Variants in TMCO4 observed in about 807,000 individuals in gnomAD.
TMCO4 encodes the protein transmembrane and coiled-coil domains 4, also known as transmembrane and coiled-coil domain-containing protein 4.
Under a neutral mutation model 64.7 loss-of-function variants are expected in TMCO4, and 58 were observed. The observed-to-expected ratio is 0.90, with a 90% confidence interval of 0.73 to 1.12. The LOEUF (loss-of-function observed/expected upper bound fraction) is 1.12. Among genes scored for constraint, TMCO4 ranks in the 50% most tolerant of loss-of-function variants. The pLI, the probability that TMCO4 is intolerant of heterozygous loss-of-function variation, is 0.00. For missense variants in TMCO4, 780 were observed against 825.9 expected (o/e 0.94, Z 0.68); for synonymous variants, 325 against 346.1 (o/e 0.94, Z 0.68).
At position 19,716,897 on chromosome 1, in the gene TMCO4, G is replaced by A. The variant is rs551494109; in HGVS notation, c.1265-16012C>T. ...AGGAAGCTGAGCGGGTGAGAAAAGA[G>A]GAATCCAGGGCCGGGCGCGGTGGCT... On this transcript the variant is annotated intron_variant, in intron 13 of 15. Coordinates refer to ENST00000294543, the MANE Select transcript of TMCO4 (RefSeq NM_181719.7). Among the ~76,000 whole-genome samples, 117 of 152,272 alleles carry A rather than the reference G, an allele frequency of 7.7e-4. 1 individual carries two copies. The highest frequency in any genetic ancestry group is 2.7e-3 in the African/African-American group (112 of 41,560).
chr1:19,763,850 C>T (rs896546654), intron 6 of TMCO4, among the ~76,000 whole-genome samples: 6 of 151,368 alleles, frequency 4.0e-5, no homozygotes, highest in Admixed American at 2.6e-4. Context: ...GTTGAAGCCC[C>T]GTTGTGTGCC....
chr1:19,684,166 TC>T, intron 15 of TMCO4, among the ~76,000 whole-genome samples: 1 of 140,964 alleles, frequency 7.1e-6, no homozygotes, highest in African/African-American at 2.7e-5. Context: ...GGGTTCTCTC[TC>T]TCTCGTCCAG....
intron 14 of TMCO4, among the ~76,000 whole-genome samples, chr1:19,699,752 A>G (rs1339178864): frequency 6.6e-6 from 1 of 152,182 alleles, no homozygotes; most frequent in African/African-American, 2.4e-5. Context: ...GACAATGATG[A>G]ATGAAAAAAA....
At chr1:19,775,614 G>A (rs1037339070) in intron 4 of TMCO4, among the ~76,000 whole-genome samples, 3 of 152,212 alleles carry the variant, frequency 2.0e-5, no homozygotes, top group African/African-American at 4.8e-5. Flanking sequence ...GTGCTATCAC[G>A]GGAAAGGTAT....
intron 2 of TMCO4, among the ~76,000 whole-genome samples, chr1:19,787,848 C>G (rs1011426073): frequency 2.6e-5 from 4 of 152,188 alleles, no homozygotes; most frequent in African/African-American, 9.7e-5. Flanking sequence ...CTCCGCCTCC[C>G]AAGTTCAAGT....
intron 13 of TMCO4, among the ~76,000 whole-genome samples, chr1:19,723,656 C>T (rs1299446050): frequency 6.6e-6 from 1 of 152,272 alleles, no homozygotes; most frequent in Non-Finnish European, 1.5e-5. Flanking sequence ...CCAATCATCA[C>T]TGCGTTTCAG....
Position 19,794,505 on chromosome 1 carries a change from T to C in TMCO4, c.-101+3632A>G, listed in dbSNP as rs1347626104. Among the ~76,000 whole-genome samples, 4 of 152,246 alleles carry C rather than the reference T, an allele frequency of 2.6e-5. No individual in the cohort carries two copies. The East Asian group carries it at 5.8e-4, about 22-fold the overall frequency. On this transcript the variant is annotated intron_variant, in intron 2 of 15. Coordinates refer to ENST00000294543, the MANE Select transcript of TMCO4 (RefSeq NM_181719.7). The stretch of plus-strand genomic sequence containing the variant: ...AAGGAAGTGGCAGAAATGGCAAAGT[T>C]TGTAATAGTCCATTTGACCCACTGG...
In TMCO4 at chr1:19,746,437, C is replaced by T. The variant is rs1044209082; in HGVS notation, c.757+19G>A. 1 of 1,612,894 alleles carries T rather than the reference C, an allele frequency of 6.2e-7. No individual in the cohort carries two copies. Among genetic ancestry groups the T allele is most frequent in the African/African-American group, 1.3e-5 (1 of 75,042 alleles). ...TGGCTGAAAATTCCTCTGAACCCAT[C>T]ATTCCTTTTGAACCTTACCTGTCAG... On this transcript the variant is annotated intron_variant, in intron 9 of 15. Coordinates refer to ENST00000294543, the MANE Select transcript of TMCO4 (RefSeq NM_181719.7).
At chr1:19,746,713 A>G in intron 8 of TMCO4, 114 bp from the exon 9 acceptor site, 1 of 1,300,530 alleles carries the variant, frequency 7.7e-7, no homozygotes, top group Non-Finnish European at 1.1e-6. Context: ...TCACGAGGTC[A>G]GGAGATCGAG....
chr1:19,700,653 G>A, intron 14 of TMCO4, 115 bp downstream of exon 14: 1 of 1,013,574 alleles, frequency 9.9e-7, no homozygotes, highest in Admixed American at 2.2e-5. Flanking sequence ...CCGGTTCCTG[G>A]GATCTTCCAG....
chr1:19,736,321 A>C (rs745968203), intron 13 of TMCO4, among the ~76,000 whole-genome samples: 7 of 152,130 alleles, frequency 4.6e-5, no homozygotes, highest in Admixed American at 2.0e-4. Flanking sequence ...CACCCCCCTG[A>C]TTCAATTACC....
chr1:19,683,222 T>C lies in TMCO4; in HGVS notation c.1723A>G (p.Met575Val), dbSNP rs756843641. 6.2e-7 allele frequency: 1 copy of C among 1,614,188 alleles called. No individual in the cohort carries two copies. Among genetic ancestry groups the C allele is most frequent in the Admixed American group, 1.7e-5 (1 of 60,036 alleles). Residue 575 changes from methionine (M) to valine (V), a missense_variant, in exon 16 of 16, where the codon ATG becomes GTG. Transcript: ENST00000294543. ...PISGDTSKLA[M>V]STDPSQAQVP... ...TGGGCTTGGCTGGGGTCTGTGGACATGGCCAATTTGGAGGTGTCTCCGGAT... is the reference window on the plus strand; with the variant it reads ...TGGGCTTGGCTGGGGTCTGTGGACACGGCCAATTTGGAGGTGTCTCCGGAT...
chr1:19,760,003 G>A (rs2042426792), intron 6 of TMCO4, among the ~76,000 whole-genome samples: 1 of 152,004 alleles, frequency 6.6e-6, no homozygotes, highest in Non-Finnish European at 1.5e-5. Flanking sequence ...ACCTTTCTCT[G>A]CCTCCCACCT....
chr1:19,763,082 CT>C (rs375631458), intron 6 of TMCO4, among the ~76,000 whole-genome samples: 14,939 of 147,558 alleles, frequency 0.1, 866 homozygotes, highest in Non-Finnish European at 0.13. Flanking sequence ...TTCTTTTTTT[CT>C]TTTTTTTTTT....
intron 13 of TMCO4, among the ~76,000 whole-genome samples, chr1:19,720,754 T>C (rs2100736564): frequency 6.6e-6 from 1 of 152,270 alleles, no homozygotes; most frequent in South Asian, 2.1e-4. Flanking sequence ...GAACACCCTG[T>C]GCTGGGGTGG....
intron 6 of TMCO4, among the ~76,000 whole-genome samples, chr1:19,762,006 T>C (rs1202196197): frequency 6.6e-6 from 1 of 152,236 alleles, no homozygotes; most frequent in Non-Finnish European, 1.5e-5. Flanking sequence ...GTTGTCACTA[T>C]GATGCCGCAT....
chr1:19,705,701 T>C (rs570999485), intron 13 of TMCO4, among the ~76,000 whole-genome samples: 2 of 151,998 alleles, frequency 1.3e-5, no homozygotes, highest in African/African-American at 2.4e-5. Flanking sequence ...CATTACCACC[T>C]GACTGTTCCT....
intron 3 of TMCO4, among the ~76,000 whole-genome samples, chr1:19,782,720 A>G (rs2043548913): frequency 6.6e-6 from 1 of 152,326 alleles, no homozygotes; most frequent in East Asian, 1.9e-4. Context: ...GCATCCAAGA[A>G]GCAGAAAGAA....
rs148245887 is a variant in TMCO4, at chr1:19,740,557, T to C, written c.1042+220A>G. ...TTTGGGGTGGCTTGTCCCACAGCAA[T>C]AGCTAACGGACTGATCATGTGATTG... On this transcript the variant is annotated intron_variant, in intron 11 of 15. Coordinates refer to ENST00000294543, the MANE Select transcript of TMCO4 (RefSeq NM_181719.7). 1.2e-4 allele frequency among the ~76,000 whole-genome samples: 18 copies of C among 152,308 alleles called. No homozygotes were observed. In the East Asian group the frequency reaches 3.5e-3, roughly 29 times the overall value.
Sources: gnomAD v4.1 joint callset for allele counts (sites outside exome capture counted in the v4.1 genomes callset) on GRCh38, gnomAD v4.1.1 for gene constraint, MANE v1.5 for transcripts, NCBI Gene and HGNC (gene_info 2026-07-23, HGNC 2026-07-21) for gene names.